The following KCNH7 variants were observed in gnomAD, a reference collection of about 807,000 sequenced individuals.
KCNH7 encodes potassium voltage-gated channel subfamily H member 7.
In KCNH7, 49 loss-of-function variants were observed where a neutral mutation model predicts 120.8. The observed-to-expected ratio is 0.41, with a 90% CI of 0.32 to 0.51. The LOEUF is 0.51. Ranked by LOEUF, KCNH7 falls within the 20% of genes least tolerant of loss-of-function variation. The probability of loss-of-function intolerance (pLI) is 0.38; values close to 1 mark genes in which losing one functional copy is unlikely to be tolerated. For synonymous variants in KCNH7, 547 were observed against 516.1 expected (o/e 1.06, Z -0.81); for missense variants, 1,097 against 1,446.6 (o/e 0.76, Z 3.92).
intron 2 of KCNH7, among the ~76,000 whole-genome samples, chr2:162,616,384 A>T (rs1683139843): frequency 1.3e-5 from 2 of 152,226 alleles, no homozygotes; most frequent in African/African-American, 2.4e-5. Context: ...TCACACGATT[A>T]ATGTGCCACG....
chr2:162,663,460 T>C (rs924535129), intron 2 of KCNH7, among the ~76,000 whole-genome samples: 7 of 152,192 alleles, frequency 4.6e-5, no homozygotes, highest in African/African-American at 1.7e-4. Context: ...AATTTCTCTT[T>C]TTCACTTTCC....
intron 3 of KCNH7, among the ~76,000 whole-genome samples, chr2:162,530,451 C>T (rs1178012543): frequency 6.6e-6 from 1 of 151,364 alleles, no homozygotes; most frequent in African/African-American, 2.4e-5. Flanking sequence ...CTGAGACACG[C>T]TAGTGTGCGC....
At chr2:162,383,778 C>T (rs779126936) in intron 13 of KCNH7, among the ~76,000 whole-genome samples, 3 of 151,750 alleles carry the variant, frequency 2.0e-5, no homozygotes, top group Non-Finnish European at 4.4e-5. Context: ...TGAGAAAATA[C>T]TAACAGTTGG....
intron 2 of KCNH7, among the ~76,000 whole-genome samples, chr2:162,607,724 TAAGTTGAATGAA>T (rs1682829749): frequency 6.6e-6 from 1 of 152,094 alleles, no homozygotes; most frequent in Non-Finnish European, 1.5e-5. Flanking sequence ...ATTGCATACT[TAAGTTGAATGAA>T]AATTCCAAGC....
chr2:162,491,542 A>T (rs762426757), intron 6 of KCNH7, among the ~76,000 whole-genome samples: 1 of 152,126 alleles, frequency 6.6e-6, no homozygotes, highest in Non-Finnish European at 1.5e-5. Flanking sequence ...TATGACACAG[A>T]CAAGGTATAG....
At chr2:162,491,490 T>G (rs1690306349) in intron 6 of KCNH7, among the ~76,000 whole-genome samples, 1 of 152,100 alleles carries the variant, frequency 6.6e-6, no homozygotes, top group African/African-American at 2.4e-5. Context: ...TCCTGACAAT[T>G]AGGCCCCCTC....
At chr2:162,802,840 A>C (rs1351063147) in intron 2 of KCNH7, among the ~76,000 whole-genome samples, 1 of 151,822 alleles carries the variant, frequency 6.6e-6, no homozygotes, top group Non-Finnish European at 1.5e-5. Flanking sequence ...TAAGAAAAAT[A>C]ATAATTTTTA....
chr2:162,803,550 C>A (rs1263518727), intron 2 of KCNH7, among the ~76,000 whole-genome samples: 1 of 151,566 alleles, frequency 6.6e-6, no homozygotes, highest in Admixed American at 6.6e-5. Context: ...TGTGGAGTAG[C>A]CTAAATGCTT....
chr2:162,491,331 C>CGGATAT (rs1448582179), intron 6 of KCNH7, among the ~76,000 whole-genome samples: 4 of 152,176 alleles, frequency 2.6e-5, no homozygotes, highest in Admixed American at 6.5e-5. Flanking sequence ...CACAGCCCTG[C>CGGATAT]GGATATGGGC....
chr2:162,725,550 TACTC>T (rs763096640), intron 2 of KCNH7, among the ~76,000 whole-genome samples: 51 of 152,200 alleles, frequency 3.4e-4, no homozygotes, highest in Non-Finnish European at 4.7e-4. Context: ...TATCTTGTCT[TACTC>T]AATCTCTTCT....
chr2:162,482,467 T>A (rs1186021349), intron 6 of KCNH7, among the ~76,000 whole-genome samples: 1 of 152,050 alleles, frequency 6.6e-6, no homozygotes, highest in African/African-American at 2.4e-5. Context: ...TCCAGGAAGA[T>A]AAACAGCTGA....
chr2:162,748,199 A>G (rs1688381444), intron 2 of KCNH7, among the ~76,000 whole-genome samples: 1 of 152,184 alleles, frequency 6.6e-6, no homozygotes, highest in Non-Finnish European at 1.5e-5. Flanking sequence ...CCTGTGGGGT[A>G]CCCAGAACAC....
At chr2:162,752,663 C>T (rs906767654) in intron 2 of KCNH7, among the ~76,000 whole-genome samples, 3 of 151,810 alleles carry the variant, frequency 2.0e-5, no homozygotes, top group African/African-American at 7.3e-5. Flanking sequence ...CTTTGGGAGG[C>T]CAAGGCAGGC....
intron 2 of KCNH7, among the ~76,000 whole-genome samples, chr2:162,583,959 G>A (rs184347748): frequency 2.0e-5 from 3 of 152,042 alleles, no homozygotes; most frequent in African/African-American, 7.2e-5. Flanking sequence ...TTTAGAAAGG[G>A]CAGTACCCAA....
At chr2:162,725,650 G>A (rs904534424) in intron 2 of KCNH7, among the ~76,000 whole-genome samples, 3 of 152,070 alleles carry the variant, frequency 2.0e-5, no homozygotes, top group African/African-American at 7.2e-5. Flanking sequence ...GTTTTATTTT[G>A]TTTTGTTTCT....
intron 6 of KCNH7, among the ~76,000 whole-genome samples, chr2:162,477,996 G>T (rs1198195113): frequency 6.6e-6 from 1 of 152,170 alleles, no homozygotes; most frequent in East Asian, 1.9e-4. Flanking sequence ...CACAAATAAA[G>T]ATTTCATCTC....
chr2:162,393,542 G>A (rs1686806679), intron 12 of KCNH7, among the ~76,000 whole-genome samples: 1 of 151,846 alleles, frequency 6.6e-6, no homozygotes, highest in African/African-American at 2.4e-5. Flanking sequence ...GAAGGTAGGA[G>A]GAAAATAGGA....
At chr2:162,398,330 A>G (rs1686972993) in intron 10 of KCNH7, among the ~76,000 whole-genome samples, 1 of 151,912 alleles carries the variant, frequency 6.6e-6, no homozygotes, top group Non-Finnish European at 1.5e-5. Context: ...TGTTTTACAA[A>G]GGAATTCAAT....
At chr2:162,747,873 A>G (rs1420390160) in intron 2 of KCNH7, among the ~76,000 whole-genome samples, 1 of 152,230 alleles carries the variant, frequency 6.6e-6, no homozygotes. Context: ...ACAGTGGTCC[A>G]GAAGGAAGAT....
Sources: allele counts gnomAD v4.1 joint callset (sites outside exome capture counted in the v4.1 genomes callset), GRCh38; gene constraint gnomAD v4.1.1; transcripts MANE v1.5; gene names NCBI Gene and HGNC (gene_info 2026-07-23, HGNC 2026-07-21).